SLC34A3: variants seen among roughly 807,000 people sequenced by gnomAD.
The protein encoded by SLC34A3 is sodium-dependent phosphate transport protein 2C.
In SLC34A3, 60 loss-of-function variants were observed where a neutral mutation model predicts 43.9. The observed-to-expected ratio is 1.37, with a 90% CI of 1.11 to 1.70. The LOEUF (loss-of-function observed/expected upper bound fraction) is 1.70, where lower values mean the gene tolerates loss of function less well. SLC34A3 is among the 40% of genes most tolerant of loss of function. The pLI, the probability that SLC34A3 is intolerant of heterozygous loss-of-function variation, is 0.00. For synonymous variants in SLC34A3, 451 were observed against 386.2 expected (o/e 1.17, Z -1.97); for missense variants, 969 against 823.8 (o/e 1.18, Z -2.16).
At chr9:137,232,493 AG>A in intron 3 of SLC34A3, 81 bp from the exon 4 acceptor site, 2 of 1,570,504 alleles carry the variant, frequency 1.3e-6, no homozygotes, top group Non-Finnish European at 8.7e-7. Flanking sequence ...CAGAGGAGAG[AG>A]GGGGCAGAGA....
chr9:137,233,779 T>TTGCGCCCC, intron 8 of SLC34A3, 57 bp downstream of exon 8: 1 of 1,445,822 alleles, frequency 6.9e-7, no homozygotes, highest in Non-Finnish European at 9.6e-7. Flanking sequence ...TGCTGAGTCA[T>TTGCGCCCC]CCCGCCCCAC....
In SLC34A3 at chr9:137,234,638, C is replaced by G. The variant is rs949841477; in HGVS notation, c.1242C>G (p.Tyr414Ter). ...GGGTGATCAGTCTGGACCGGGCGTA[C>G]CCCCTCTTACTGGGCTCCAACATCG... ...GVGVISLDRA[Y>*]PLLLGSNIGT... is the part of the protein sequence containing the mutation. Residue 414 changes from tyrosine (Y) to a stop codon, truncating the protein, a stop_gained, in exon 12 of 13, where the codon TAC (tyrosine) becomes TAG (stop). Coordinates refer to ENST00000673835, the MANE Select transcript of SLC34A3 (RefSeq NM_001177316.2). LOFTEE classifies it high-confidence loss of function. This position sits in a 1 kb window ranked among gnomAD's most constrained non-coding sequence, Gnocchi z 6.9. 1 of 1,612,406 alleles carries G rather than the reference C, an allele frequency of 6.2e-7. No individual in the cohort carries two copies. The highest frequency in any genetic ancestry group is 8.5e-7 in the Non-Finnish European group (1 of 1,179,866).
In SLC34A3 at chr9:137,231,673, T is replaced by TG; in HGVS notation, c.-27dup. 1.9e-6 allele frequency: 3 copies of TG among 1,593,470 alleles called. No homozygotes were observed. Among genetic ancestry groups the TG allele is most frequent in the Non-Finnish European group, 2.6e-6 (3 of 1,162,590 alleles). On this transcript the variant is annotated 5_prime_UTR_variant, in exon 2 of 13. Transcript: ENST00000673835. ...GCGTCCCCCCCAGCAGATCTAGACC[T>TG]GGGCCTGGGTCTGTCCCTGCCCGAA...
chr9:137,236,180 GTGGGGC>G lies in SLC34A3; in HGVS notation c.1568_1573del (p.Gly523_Leu524del). On this transcript the variant is annotated inframe_deletion, in exon 13 of 13. Transcript: ENST00000673835. ...GCTGGCCGCTGTCGGGGGTCCCCTG[GTGGGGC>G]TGGTGCTCCTCGTCATCCTGGTTAC... 6.2e-7 allele frequency: 1 copy of G among 1,604,928 alleles called. No individual in the cohort carries two copies. The highest frequency in any genetic ancestry group is 1.1e-5 in the South Asian group (1 of 90,536).
rs374841361 is a variant in SLC34A3, at chr9:137,233,927, C to T, written c.911C>T (p.Ala304Val). Residue 304 changes from alanine (A) to valine (V), a missense_variant, in exon 9 of 13, where the codon GCG becomes GTG. Transcript: ENST00000673835. ...ACAGAGAAGAACAGCACAGCCCCGG[C>T]GGACAGGCTGCCCTGTGAGGCCCGG... ...PCTEKNSTAP[A>V]DRLPCRHLFA... 2.4e-5 allele frequency: 38 copies of T among 1,577,160 alleles called. No homozygotes were observed. The highest frequency in any genetic ancestry group is 7.0e-5 in the Admixed American group (4 of 57,500).
Position 137,236,486 on chromosome 9 carries a change from G to C in SLC34A3, c.*70G>C. 2.2e-6 allele frequency: 3 copies of C among 1,363,490 alleles called. No individual in the cohort carries two copies. The highest frequency in any genetic ancestry group is 3.0e-6 in the Non-Finnish European group (3 of 991,130). The allele number at this position is 1,363,490 out of a possible 1,614,324, so 84.5% of individuals were successfully genotyped here. On this transcript the variant is annotated 3_prime_UTR_variant, in exon 13 of 13. Transcript: ENST00000673835. Reference sequence around the variant, plus strand: ...GGCTCTGGAGGGCCCTGGAGGGGGGGTCCCCGCGGCAGCTGACCTCCGGTC... The same window carrying C: ...GGCTCTGGAGGGCCCTGGAGGGGGGCTCCCCGCGGCAGCTGACCTCCGGTC...
chr9:137,234,630 C>G lies in SLC34A3; in HGVS notation c.1234C>G (p.Arg412Gly). 1.2e-6 allele frequency: 2 copies of G among 1,612,448 alleles called. No individual in the cohort carries two copies. Among genetic ancestry groups the G allele is most frequent in the Non-Finnish European group, 1.7e-6 (2 of 1,179,870 alleles). ...LMGVGVISLD[R>G]AYPLLLGSNI... The stretch of plus-strand genomic sequence containing the variant: ...AGGGGTCGGGGTGATCAGTCTGGAC[C>G]GGGCGTACCCCCTCTTACTGGGCTC... Residue 412 changes from arginine (R) to glycine (G), a missense_variant, in exon 12 of 13, where the codon CGG becomes GGG. Physicochemically the swap from Arg to Gly is moderately radical, Grantham distance 125. Transcript: ENST00000673835. The surrounding 1 kb of genome is among the most constrained non-coding windows in gnomAD (Gnocchi z 6.9).
In SLC34A3 at chr9:137,232,616, G is replaced by A. The variant is rs199624248; in HGVS notation, c.217G>A (p.Val73Ile). ...CAGGCTGCGCCGCGTGGCCGGCAGC[G>A]TCCTCAAGGCCTGCGGGCTCCTCGG... The part of the protein sequence containing the change: ...AGRLRRVAGS[V>I]LKACGLLGSL... The change falls in exon 4 of 13, where the codon GTC becomes ATC. Residue 73 changes from valine (V) to isoleucine (I), a missense_variant. Transcript: ENST00000673835. 17 of 1,612,352 alleles carry A rather than the reference G, an allele frequency of 1.1e-5. No homozygotes were observed. Among genetic ancestry groups the A allele is most frequent in the Middle Eastern group, 1.6e-4 (1 of 6,062 alleles).
Position 137,233,400 on chromosome 9 carries a change from TGCAGGTGAGGACGGCCACCGCCCCC to T in SLC34A3, c.755_756+23del, listed in dbSNP as rs1564418333. ...ACGAAGCCGCTCACACACCTCATCG[TGCAGGTGAGGACGGCCACCGCCCCC>T]GCCCAGAGAGCCTGAGCAGGCCGGA... is the stretch of plus-strand genomic sequence containing the variant. On this transcript the variant is annotated splice_donor_variant and splice_donor_5th_base_variant and coding_sequence_variant and intron_variant, in exon 7 of 13. Transcript: ENST00000673835. LOFTEE classifies it high-confidence loss of function. 5.6e-6 allele frequency: 9 copies of T among 1,603,330 alleles called. No homozygotes were observed. The highest frequency in any genetic ancestry group is 7.6e-6 in the Non-Finnish European group (9 of 1,176,820).
At chr9:137,233,590 G>A (rs1318795348) in intron 7 of SLC34A3, 43 bp from the exon 8 acceptor site, 2 of 1,595,978 alleles carry the variant, frequency 1.3e-6, no homozygotes, top group Non-Finnish European at 1.7e-6. Context: ...GGTGAGTCCT[G>A]AGAGAGGGTG....
rs773955296 is a variant in SLC34A3, at chr9:137,236,116, C to T, written c.1500C>T (p.Pro500=). The T allele has an allele frequency of 1.9e-6, 3 of 1,611,782 alleles. No homozygotes were observed. The Admixed American group carries it at 5.0e-5, about 27-fold the overall frequency. Residue 500 remains proline (P), a synonymous_variant, in exon 13 of 13, where the codon CCC becomes CCT. Coordinates refer to ENST00000673835, the MANE Select transcript of SLC34A3 (RefSeq NM_001177316.2). ...TGCTGCTCGGATTCCTGCTGCTGCC[C>T]CTGGCGGCCTTCGGGCTCTCCCTGG... ...VYLLLGFLLL[P]LAAFGLSLAG...
intron 5 of SLC34A3, 30 bp downstream of exon 5, chr9:137,232,957 G>A (rs1468380317): frequency 1.2e-6 from 2 of 1,606,234 alleles, no homozygotes; most frequent in East Asian, 2.3e-5. Context: ...CCGGGTGGTG[G>A]GGGGGGCAGG....
rs746906973 is a variant in SLC34A3 at position 137,233,227 on chromosome 9, G to T, written c.579G>T (p.Ala193=). Residue 193 remains alanine, a synonymous_variant, in exon 7 of 13, where the codon GCG becomes GCT. Coordinates refer to ENST00000673835, the MANE Select transcript of SLC34A3 (RefSeq NM_001177316.2). ...DEFQRAFSGS[A]VHGIFNWLTV... The stretch of plus-strand genomic sequence containing the variant: ...GCCACAGGGCTTTCAGCGGCTCGGC[G>T]GTGCACGGGATCTTCAACTGGCTCA... 1 of 1,574,796 alleles carries T rather than the reference G, an allele frequency of 6.4e-7. No individual in the cohort carries two copies. The highest frequency in any genetic ancestry group is 8.6e-7 in the Non-Finnish European group (1 of 1,160,676).
In SLC34A3 at chr9:137,232,346, A is replaced by G. The variant is rs112848350; in HGVS notation, c.175+185A>G. 0.051 allele frequency among the ~76,000 whole-genome samples: 7,807 copies of G among 152,066 alleles called. 248 individuals carry two copies. Among genetic ancestry groups the G allele is most frequent in the East Asian group, 0.097 (504 of 5,170 alleles). On this transcript the variant is annotated intron_variant, in intron 3 of 12. Coordinates refer to ENST00000673835, the MANE Select transcript of SLC34A3 (RefSeq NM_001177316.2). ...TGTGCTGTCCTGGGGCAGACCGGCC[A>G]CCTCTGCCCATCCGTCCCTCCCCTC...
chr9:137,233,140 G>A, intron 6 of SLC34A3, 25 bp downstream of exon 6: 3 of 1,577,800 alleles, frequency 1.9e-6, no homozygotes, highest in Non-Finnish European at 2.6e-6. Flanking sequence ...GAAGGGCTGG[G>A]CTGGGGCTGC....
At position 137,236,229 on chromosome 9, in the gene SLC34A3, G is replaced by A. The variant is rs145700867; in HGVS notation, c.1613G>A (p.Arg538Gln). ...VILVTVLQRRRPAWLPVRLRS... is the reference protein window; with the variant it reads ...VILVTVLQRRQPAWLPVRLRS... ...CTGGTTACTGTCCTGCAGCGGCGCC[G>A]GCCGGCCTGGCTGCCTGTCCGCCTG... is the stretch of plus-strand genomic sequence containing the variant. Residue 538 changes from arginine (R) to glutamine (Q), a missense_variant, in exon 13 of 13, where the codon CGG becomes CAG. Coordinates refer to ENST00000673835, the MANE Select transcript of SLC34A3 (RefSeq NM_001177316.2). The A allele has an allele frequency of 4.0e-5, 62 of 1,559,032 alleles. No individual in the cohort carries two copies. In the East Asian group the frequency reaches 4.6e-4, roughly 12 times the overall value.
Position 137,233,844 on chromosome 9 carries a change from T to C in SLC34A3, c.847-19T>C, listed in dbSNP as rs1266011760. On this transcript the variant is annotated intron_variant, in intron 8 of 12. Coordinates refer to ENST00000673835, the MANE Select transcript of SLC34A3 (RefSeq NM_001177316.2). ...GTCTGCCCACTGAGCCTGTCCTGAG[T>C]CCTCCCTGCCCTCCCCAGACCCAGG... 6.8e-7 allele frequency: 1 copy of C among 1,478,426 alleles called. No homozygotes were observed. The highest frequency in any genetic ancestry group is 1.5e-5 in the African/African-American group (1 of 66,104). The allele number at this position is 1,478,426 out of a possible 1,614,324, so 91.6% of individuals were successfully genotyped here.
intron 2 of SLC34A3, 60 bp downstream of exon 2, chr9:137,231,847 T>G: frequency 6.9e-7 from 1 of 1,449,964 alleles, no homozygotes; most frequent in Non-Finnish European, 9.7e-7. Context: ...CCCCAGGCAC[T>G]GGGCAGAGAC....
intron 12 of SLC34A3, among the ~76,000 whole-genome samples, chr9:137,235,376 A>C (rs566678095): frequency 6.0e-4 from 91 of 152,188 alleles, no homozygotes; most frequent in African/African-American, 2.0e-3. Context: ...ACAGGAAGAG[A>C]CAAGTGCGGC....
Sources: allele counts gnomAD v4.1 joint callset (sites outside exome capture counted in the v4.1 genomes callset), GRCh38; gene constraint gnomAD v4.1.1; non-coding constraint Gnocchi (gnomAD v3.1); transcripts MANE v1.5; gene names NCBI Gene and HGNC (gene_info 2026-07-23, HGNC 2026-07-21).